SLFN5: variants seen among roughly 807,000 people sequenced by gnomAD.
SLFN5 encodes the protein schlafen family member 5.
Under a neutral mutation model 48.5 loss-of-function variants are expected in SLFN5, and 34 were observed. The ratio of observed to expected loss-of-function variants is 0.70; its 90% confidence interval spans 0.53 to 0.93. The LOEUF (loss-of-function observed/expected upper bound fraction) is 0.93. Among genes scored for constraint, SLFN5 ranks in the 40% least tolerant of loss-of-function variants. The probability of loss-of-function intolerance (pLI) is 0.00; values close to 1 mark genes in which losing one functional copy is unlikely to be tolerated. For missense variants in SLFN5, 1,006 were observed against 1,071.3 expected (o/e 0.94, Z 0.85); for synonymous variants, 387 against 396.2 (o/e 0.98, Z 0.28).
At chr17:35,259,852 G>A (rs1461256892) in intron 2 of SLFN5, 150 bp downstream of exon 2, 6 of 901,936 alleles carry the variant, frequency 6.7e-6, no homozygotes, top group Non-Finnish European at 9.8e-6. Flanking sequence ...AATCCCTGTA[G>A]ATGTAGTTCG....
chr17:35,245,953 C>T (rs2092429666), intron 1 of SLFN5, among the ~76,000 whole-genome samples: 1 of 152,116 alleles, frequency 6.6e-6, no homozygotes, highest in Admixed American at 6.5e-5. Flanking sequence ...CCCTTTATAT[C>T]CCTACAAGGA....
In SLFN5 at chr17:35,259,529, T is replaced by A. The variant is rs565820071; in HGVS notation, c.839T>A (p.Phe280Tyr). The change falls in exon 2 of 5, where the codon TTC becomes TAC. Residue 280 changes from phenylalanine (F) to tyrosine (Y), a missense_variant. By Grantham distance (22) the Phe-to-Tyr change is conservative (BLOSUM62 3). Transcript: ENST00000299977. ...QRPEIKYVLN[F>Y]LEVHDKGALR... is the part of the protein sequence containing the mutation. ...CCTGAGATAAAATATGTCCTTAACT[T>A]CCTTGAAGTGCATGATAAGGGGGCC... The A allele has an allele frequency of 2.1e-5, 34 of 1,614,202 alleles. No individual in the cohort carries two copies. In the East Asian group the frequency reaches 7.6e-4, roughly 36 times the overall value.
rs938354303 is a variant in SLFN5 at position 35,273,568 on chromosome 17, C to T, written c.*7680C>T. ...AAAATGTAGAAAATACAAAAAGTGT[C>T]TATATATACAAAAATGTAAGTGTTA... is the stretch of plus-strand genomic sequence containing the variant. On this transcript the variant is annotated 3_prime_UTR_variant, in exon 5 of 5. Coordinates refer to ENST00000299977, the MANE Select transcript of SLFN5 (RefSeq NM_144975.4). The T allele has an allele frequency of 1.3e-5, 2 of 151,902 alleles. No individual in the cohort carries two copies. The highest frequency in any genetic ancestry group is 2.9e-5 in the Non-Finnish European group (2 of 67,988). The allele number at this position is 151,902 out of a possible 1,614,324, so 9.4% of individuals were successfully genotyped here. A position where few individuals can be genotyped will look rare whatever the true frequency, so the allele number is the denominator to read the frequency against.
chr17:35,258,261 T>A (rs188403689), intron 1 of SLFN5, among the ~76,000 whole-genome samples: 1 of 152,320 alleles, frequency 6.6e-6, no homozygotes, highest in East Asian at 1.9e-4. Flanking sequence ...TTTAATGGAC[T>A]CACAGTTCCA....
chr17:35,246,602 C>T (rs1000918613), intron 1 of SLFN5, among the ~76,000 whole-genome samples: 8 of 152,106 alleles, frequency 5.3e-5, no homozygotes, highest in African/African-American at 1.9e-4. Flanking sequence ...TGCCTGTAAA[C>T]CCAGCACTTT....
rs1240336292 is a variant in SLFN5 at position 35,269,740 on chromosome 17, G to A, written c.*3852G>A. The A allele has an allele frequency of 3.9e-5, 6 of 152,172 alleles. No homozygotes were observed. The highest frequency in any genetic ancestry group is 8.8e-5 in the Non-Finnish European group (6 of 68,036). 9.4% of individuals were successfully genotyped at this position (152,172 alleles called of 1,614,324 possible). A position where few individuals can be genotyped will look rare whatever the true frequency, so the allele number is the denominator to read the frequency against. ...CTAGCATAGGGCAGGTTCCTTAGTT[G>A]AAAAATTTCCACAAAACATGATGTA... is the stretch of plus-strand genomic sequence containing the variant. On this transcript the variant is annotated 3_prime_UTR_variant, in exon 5 of 5. Transcript: ENST00000299977.
chr17:35,253,564 G>A (rs764528241), intron 1 of SLFN5, among the ~76,000 whole-genome samples: 9 of 151,680 alleles, frequency 5.9e-5, no homozygotes, highest in Non-Finnish European at 1.2e-4. Flanking sequence ...ATAAGAACTC[G>A]TTATCCCATT....
Position 35,258,884 on chromosome 17 carries a change from A to G in SLFN5, c.194A>G (p.Lys65Arg). 8.1e-6 allele frequency: 13 copies of G among 1,614,222 alleles called. No homozygotes were observed. Among genetic ancestry groups the G allele is most frequent in the Non-Finnish European group, 1.1e-5 (13 of 1,180,042 alleles). Residue 65 changes from lysine (K) to arginine (R), a missense_variant, in exon 2 of 5, where the codon AAA becomes AGA. Transcript: ENST00000299977. ...ATAATCAAGGCTGAGATTGAGAACA[A>G]AGGCTACAATTATGAACGTCATGGA... is the stretch of plus-strand genomic sequence containing the variant. Reference protein sequence around the residue: ...GGIIKAEIENKGYNYERHGVG... With the variant: ...GGIIKAEIENRGYNYERHGVG...
At chr17:35,251,175 G>A (rs2092441479) in intron 1 of SLFN5, among the ~76,000 whole-genome samples, 1 of 152,184 alleles carries the variant, frequency 6.6e-6, no homozygotes, top group Non-Finnish European at 1.5e-5. Context: ...GTGCGAGAGC[G>A]ATGTAGAGAA....
chr17:35,257,001 T>C (rs980086402), intron 1 of SLFN5, among the ~76,000 whole-genome samples: 1 of 152,136 alleles, frequency 6.6e-6, no homozygotes, highest in African/African-American at 2.4e-5. Context: ...GAACTGTGCA[T>C]GTGAGGGATC....
Position 35,264,398 on chromosome 17 carries a change from C to A in SLFN5, c.1354C>A (p.Leu452Ile). The change falls in exon 4 of 5, where the codon CTC becomes ATC. Residue 452 changes from leucine (L) to isoleucine (I), a missense_variant. Transcript: ENST00000299977. ...AATTTCCCAGAACAACACCCCTATT[C>A]TCTACACCATCTTCAGCAAGTGGGA... ...LLISQNNTPI[L>I]YTIFSKWDAG... The A allele has an allele frequency of 6.2e-7, 1 of 1,614,116 alleles. No individual in the cohort carries two copies. Among genetic ancestry groups the A allele is most frequent in the Non-Finnish European group, 8.5e-7 (1 of 1,180,014 alleles).
chr17:35,250,067 G>T (rs2092438879), intron 1 of SLFN5, among the ~76,000 whole-genome samples: 1 of 152,148 alleles, frequency 6.6e-6, no homozygotes, highest in Non-Finnish European at 1.5e-5. Flanking sequence ...TAACACTCCT[G>T]TCCCGCCAGC....
At position 35,265,572 on chromosome 17, in the gene SLFN5, C is replaced by T. The variant is rs11651240; in HGVS notation, c.2360C>T (p.Pro787Leu). 653,208 of 1,613,896 alleles carry T rather than the reference C, an allele frequency of 0.4. 141,642 individuals are homozygous for T. Among genetic ancestry groups the T allele is most frequent in the Middle Eastern group, 0.52 (3,129 of 6,062 alleles). Reference protein sequence around the residue: ...CRFLLRNGYSPKDIAVLFTKA... With the variant: ...CRFLLRNGYSLKDIAVLFTKA... ...TTTCTCTTGCGGAATGGTTATTCTC[C>T]GAAGGATATTGCTGTGCTTTTCACC... is the stretch of plus-strand genomic sequence containing the variant. The change falls in exon 5 of 5, where the codon CCG (proline) becomes CTG (leucine). Residue 787 changes from proline to leucine, a missense_variant. Transcript: ENST00000299977.
In SLFN5 at chr17:35,259,565, A is replaced by G; in HGVS notation, c.875A>G (p.Tyr292Cys). Residue 292 changes from tyrosine (Y) to cysteine (C), a missense_variant, in exon 2 of 5, where the codon TAT (tyrosine) becomes TGT (cysteine). Physicochemically the swap from Tyr to Cys is radical, Grantham distance 194. Coordinates refer to ENST00000299977, the MANE Select transcript of SLFN5 (RefSeq NM_144975.4). ...CATGATAAGGGGGCCCTCCGTGGAT[A>G]TGTCTGTGCAATCAAGGTGGAGAAA... Reference protein sequence around the residue: ...EVHDKGALRGYVCAIKVEKFC... With the variant: ...EVHDKGALRGCVCAIKVEKFC... 17 of 1,613,834 alleles carry G rather than the reference A, an allele frequency of 1.1e-5. No homozygotes were observed. Among genetic ancestry groups the G allele is most frequent in the Non-Finnish European group, 1.4e-5 (17 of 1,180,030 alleles).
chr17:35,264,699 T>C lies in SLFN5; in HGVS notation c.1655T>C (p.Val552Ala). ...SFLSEELGSE[V>A]LNLLTNKQYE... Reference sequence around the variant, plus strand: ...TTAAGTGAAGAGCTGGGCTCTGAGGTTTTGAACCTACTGACAAATAAACAG... The same window carrying C: ...TTAAGTGAAGAGCTGGGCTCTGAGGCTTTGAACCTACTGACAAATAAACAG... Residue 552 changes from valine (V) to alanine (A), a missense_variant, in exon 4 of 5, where the codon GTT becomes GCT. Transcript: ENST00000299977. The C allele has an allele frequency of 6.2e-7, 1 of 1,609,068 alleles. No homozygotes were observed. Among genetic ancestry groups the C allele is most frequent in the Non-Finnish European group, 8.5e-7 (1 of 1,178,516 alleles).
At position 35,264,746 on chromosome 17, in the gene SLFN5, C is replaced by T; in HGVS notation, c.1702C>T (p.Leu568Phe). 1 of 1,600,758 alleles carries T rather than the reference C, an allele frequency of 6.2e-7. No homozygotes were observed. The highest frequency in any genetic ancestry group is 8.5e-7 in the Non-Finnish European group (1 of 1,174,990). The change falls in exon 4 of 5, where the codon CTT becomes TTT. Residue 568 changes from leucine (L) to phenylalanine (F), a missense_variant. Leu to Phe is a conservative substitution (Grantham distance 22, BLOSUM62 0). Coordinates refer to ENST00000299977, the MANE Select transcript of SLFN5 (RefSeq NM_144975.4). ...NKQYELLSKN[L>F]RKTRELFVHG... is the part of the protein sequence containing the mutation. ...ACAGTATGAGTTGCTTTCAAAGAAC[C>T]TTCGCAAGACCAGAGAGTTGTTTGT... is the stretch of plus-strand genomic sequence containing the variant.
chr17:35,262,379 C>CAAAAAA (rs559686060), intron 3 of SLFN5, among the ~76,000 whole-genome samples: 1 of 51,282 alleles, frequency 1.9e-5, no homozygotes. Flanking sequence ...GACTCCATCT[C>CAAAAAA]AAAAAAAAAA....
rs756697972 is a variant in SLFN5, at chr17:35,272,899, G to A, written c.*7011G>A. 5.9e-5 allele frequency: 9 copies of A among 152,222 alleles called. No homozygotes were observed. Among genetic ancestry groups the A allele is most frequent in the Middle Eastern group, 3.4e-3 (1 of 294 alleles). 9.4% of individuals were successfully genotyped at this position (152,222 alleles called of 1,614,324 possible). The stretch of plus-strand genomic sequence containing the variant: ...GTACATCTTCTACTGAGAACAATCC[G>A]GCAGTAGTTAACAAAATTGTGAATG... On this transcript the variant is annotated 3_prime_UTR_variant, in exon 5 of 5. Coordinates refer to ENST00000299977, the MANE Select transcript of SLFN5 (RefSeq NM_144975.4).
At chr17:35,243,514 G>A (rs1177102500) in intron 1 of SLFN5, among the ~76,000 whole-genome samples, 1 of 152,242 alleles carries the variant, frequency 6.6e-6, no homozygotes, top group Non-Finnish European at 1.5e-5. Context: ...TCCCGAGGAT[G>A]AAGTTAAATG....
Sources: allele counts gnomAD v4.1 joint callset (sites outside exome capture counted in the v4.1 genomes callset), GRCh38; gene constraint gnomAD v4.1.1; transcripts MANE v1.5; gene names NCBI Gene and HGNC (gene_info 2026-07-23, HGNC 2026-07-21).